The following SPIRE1 variants were observed in gnomAD, a reference collection of about 807,000 sequenced individuals.
SPIRE1 encodes the protein spire type actin nucleation factor 1.
Under a neutral mutation model 94.1 loss-of-function variants are expected in SPIRE1, and 40 were observed. That is an observed-to-expected ratio of 0.43 (90% CI 0.33 to 0.55). The LOEUF (loss-of-function observed/expected upper bound fraction) is 0.55. Ranked by LOEUF, SPIRE1 falls within the 20% of genes least tolerant of loss-of-function variation. The pLI, the probability that SPIRE1 is intolerant of heterozygous loss-of-function variation, is 0.06. For missense variants in SPIRE1, 838 were observed against 975.2 expected (o/e 0.86, Z 1.87); for synonymous variants, 376 against 371.7 (o/e 1.01, Z -0.13).
At chr18:12,476,560 AAAAAATATATAT>A (rs1455062050) in intron 10 of SPIRE1, among the ~76,000 whole-genome samples, 34 of 76,368 alleles carry the variant, frequency 4.5e-4, no homozygotes, top group African/African-American at 1.4e-3. Context: ...AAAAAAAAAA[AAAAAATATATAT>A]ATATATATAT....
At chr18:12,578,709 C>T (rs2036176076) in intron 2 of SPIRE1, among the ~76,000 whole-genome samples, 1 of 152,054 alleles carries the variant, frequency 6.6e-6, no homozygotes, top group African/African-American at 2.4e-5. Context: ...GATGTGTAGC[C>T]CTGGGTCAAT....
At chr18:12,586,453 T>C (rs1311072502) in intron 2 of SPIRE1, among the ~76,000 whole-genome samples, 3 of 152,170 alleles carry the variant, frequency 2.0e-5, no homozygotes, top group African/African-American at 2.4e-5. Context: ...TGGTATTCCA[T>C]AGGCTGGAAA....
chr18:12,502,990 T>C (rs973472818), intron 6 of SPIRE1, among the ~76,000 whole-genome samples: 4 of 151,756 alleles, frequency 2.6e-5, no homozygotes, highest in African/African-American at 9.7e-5. Context: ...GCACCTGTAA[T>C]CCCAGCTACT....
At chr18:12,464,430 T>C (rs1005709917) in intron 11 of SPIRE1, among the ~76,000 whole-genome samples, 25 of 152,266 alleles carry the variant, frequency 1.6e-4, no homozygotes, top group African/African-American at 6.0e-4. Flanking sequence ...TAACTTTAGA[T>C]ATCTGTGTTC....
At chr18:12,575,787 C>G (rs1280694651) in intron 2 of SPIRE1, among the ~76,000 whole-genome samples, 1 of 152,162 alleles carries the variant, frequency 6.6e-6, no homozygotes, top group Non-Finnish European at 1.5e-5. Flanking sequence ...GAGAAATATA[C>G]CAAATTTATG....
chr18:12,555,979 G>A (rs553615205), intron 2 of SPIRE1, among the ~76,000 whole-genome samples: 2 of 152,076 alleles, frequency 1.3e-5, no homozygotes, highest in African/African-American at 2.4e-5. Context: ...AAAGTTGGAG[G>A]ATACAAAATC....
chr18:12,492,999 A>T (rs1324818825), intron 8 of SPIRE1, 73 bp downstream of exon 8: 1 of 1,486,932 alleles, frequency 6.7e-7, no homozygotes, highest in South Asian at 1.4e-5. Flanking sequence ...CTTTACTTTC[A>T]TGGGGCTGGG....
intron 10 of SPIRE1, among the ~76,000 whole-genome samples, chr18:12,469,493 G>A (rs887749660): frequency 2.7e-5 from 4 of 149,518 alleles, no homozygotes; most frequent in African/African-American, 9.8e-5. Context: ...ACTACGCCCA[G>A]CCACATTCTG....
In SPIRE1 at chr18:12,506,504, G is replaced by A. The variant is rs2033838811; in HGVS notation, c.945C>T (p.Cys315=). The change falls in exon 6 of 17, where the codon TGC becomes TGT. Residue 315 remains cysteine (C), a synonymous_variant. Coordinates refer to ENST00000409402, the MANE Select transcript of SPIRE1 (RefSeq NM_001128626.2). The part of the protein sequence containing the change: ...PYEMLMDDIR[C]KRYTLRKVMV... ...TCACTTTTCGCAAGGTGTATCTTTT[G>A]CAGCGAATGTCATCCATTAACATCT... The A allele has an allele frequency of 1.2e-6, 2 of 1,613,838 alleles. No individual in the cohort carries two copies. Among genetic ancestry groups the A allele is most frequent in the South Asian group, 1.1e-5 (1 of 91,064 alleles).
intron 2 of SPIRE1, among the ~76,000 whole-genome samples, chr18:12,622,410 C>A (rs951086059): frequency 2.1e-5 from 3 of 146,018 alleles, no homozygotes; most frequent in African/African-American, 7.5e-5. Flanking sequence ...GAAAACGGAG[C>A]TATGTCCAGT....
intron 2 of SPIRE1, among the ~76,000 whole-genome samples, chr18:12,576,661 G>A (rs529522055): frequency 1.5e-4 from 23 of 151,400 alleles, no homozygotes; most frequent in Admixed American, 1.1e-3. Context: ...AGGCCAAGGC[G>A]GGCAGATCAC....
At chr18:12,654,306 C>CA (rs1484312865) in intron 1 of SPIRE1, among the ~76,000 whole-genome samples, 1 of 138,136 alleles carries the variant, frequency 7.2e-6, no homozygotes, top group Non-Finnish European at 1.5e-5. Context: ...CACTGCACTC[C>CA]AGCCTGGGCG....
chr18:12,514,223 A>G (rs2034127324), intron 4 of SPIRE1, among the ~76,000 whole-genome samples: 1 of 152,146 alleles, frequency 6.6e-6, no homozygotes, highest in Non-Finnish European at 1.5e-5. Flanking sequence ...TTACATCTCA[A>G]ATATCCAGAC....
rs528999311 is a variant in SPIRE1, at chr18:12,654,642, G to A, written c.337+2888C>T. ...CACACTCCAGCCTGGGCGACTGAGC[G>A]AGACTCCGTCTCAAAAAAAAAAAAA... On this transcript the variant is annotated intron_variant, in intron 1 of 16. Coordinates refer to ENST00000409402, the MANE Select transcript of SPIRE1 (RefSeq NM_001128626.2). Among the ~76,000 whole-genome samples the A allele has an allele frequency of 1.5e-4, 22 of 151,512 alleles. No individual in the cohort carries two copies. The South Asian group carries it at 3.3e-3, about 23-fold the overall frequency.
At chr18:12,517,229 A>G (rs182738928) in intron 4 of SPIRE1, among the ~76,000 whole-genome samples, 1 of 152,378 alleles carries the variant, frequency 6.6e-6, no homozygotes, top group East Asian at 1.9e-4. Flanking sequence ...ATGAATACCT[A>G]TGAGGATTTG....
chr18:12,637,014 G>C (rs1167762310), intron 1 of SPIRE1, among the ~76,000 whole-genome samples: 1 of 152,180 alleles, frequency 6.6e-6, no homozygotes, highest in Non-Finnish European at 1.5e-5. Flanking sequence ...GAGAGAGAGG[G>C]AGGAAGAGAG....
At chr18:12,565,733 G>A (rs1037030184) in intron 2 of SPIRE1, among the ~76,000 whole-genome samples, 2 of 145,312 alleles carry the variant, frequency 1.4e-5, no homozygotes, top group African/African-American at 2.5e-5. Flanking sequence ...TGCCTTGCAA[G>A]GAATGTTAAC....
chr18:12,475,108 C>T (rs1444166795), intron 10 of SPIRE1, among the ~76,000 whole-genome samples: 1 of 152,158 alleles, frequency 6.6e-6, no homozygotes, highest in African/African-American at 2.4e-5. Flanking sequence ...TGCATTTCTG[C>T]TATTGGGAAG....
chr18:12,478,323 GGT>G (rs979656228), intron 10 of SPIRE1, among the ~76,000 whole-genome samples: 30 of 151,578 alleles, frequency 2.0e-4, no homozygotes, highest in Non-Finnish European at 2.9e-5. Flanking sequence ...GTGTAGCTAG[GGT>G]GTGTGTGTGC....
Sources: gnomAD v4.1 joint callset for allele counts (sites outside exome capture counted in the v4.1 genomes callset) on GRCh38, gnomAD v4.1.1 for gene constraint, MANE v1.5 for transcripts, NCBI Gene and HGNC (gene_info 2026-07-23, HGNC 2026-07-21) for gene names.